Variants in ARL15 observed in about 807,000 individuals in gnomAD.
ARL15 encodes the protein ARF like GTPase 15.
Under a neutral mutation model 25.2 loss-of-function variants are expected in ARL15, and 19 were observed. That is an observed-to-expected ratio of 0.75 (90% CI 0.53 to 1.10). The LOEUF is 1.10. Among genes scored for constraint, ARL15 ranks in the 50% least tolerant of loss-of-function variants. The pLI, the probability that ARL15 is intolerant of heterozygous loss-of-function variation, is 0.00. For synonymous variants in ARL15, 94 were observed against 86.8 expected, an observed-to-expected ratio of 1.08 and a Z score of -0.46; for missense variants, 220 against 246.0, an observed-to-expected ratio of 0.89 and a Z score of 0.71.
At chr5:54,049,768 C>T (rs1211180255) in intron 4 of ARL15, among the ~76,000 whole-genome samples, 3 of 151,862 alleles carry the variant, frequency 2.0e-5, no homozygotes, top group South Asian at 2.1e-4. Flanking sequence ...GATGGGGTTT[C>T]GCCATGTTGC....
chr5:54,292,103 G>A (rs926625515), intron 1 of ARL15, among the ~76,000 whole-genome samples: 5 of 152,148 alleles, frequency 3.3e-5, no homozygotes, highest in African/African-American at 1.2e-4. Context: ...ACCTACTTTT[G>A]TCCCCAGGGA....
intron 4 of ARL15, among the ~76,000 whole-genome samples, chr5:53,931,730 C>A (rs1746200645): frequency 6.6e-6 from 1 of 152,200 alleles, no homozygotes; most frequent in Non-Finnish European, 1.5e-5. Context: ...CCAACTAAAA[C>A]CAAACACAAT....
chr5:54,052,158 A>AT (rs558245739), intron 4 of ARL15, among the ~76,000 whole-genome samples: 2 of 151,926 alleles, frequency 1.3e-5, no homozygotes, highest in African/African-American at 2.4e-5. Context: ...AACATAGGGG[A>AT]TTTTTTTTAT....
At chr5:54,088,876 G>A (rs1752053986) in intron 4 of ARL15, among the ~76,000 whole-genome samples, 1 of 152,172 alleles carries the variant, frequency 6.6e-6, no homozygotes, top group African/African-American at 2.4e-5. Flanking sequence ...AGCAAATTCA[G>A]GATGGGACCA....
intron 4 of ARL15, among the ~76,000 whole-genome samples, chr5:53,913,296 CTGTG>C (rs1745525239): frequency 1.1e-4 from 16 of 152,310 alleles, no homozygotes; most frequent in Admixed American, 7.8e-4. Context: ...GAGTGATATT[CTGTG>C]TCAACAAAAC....
intron 1 of ARL15, among the ~76,000 whole-genome samples, chr5:54,199,437 T>A (rs59605481): frequency 0.25 from 37,117 of 150,232 alleles, 5,068 homozygotes; most frequent in African/African-American, 0.35. Flanking sequence ...CAATGAACTC[T>A]AACAAATTTA....
chr5:54,027,826 C>T (rs539820462), intron 4 of ARL15, among the ~76,000 whole-genome samples: 10 of 152,150 alleles, frequency 6.6e-5, no homozygotes, highest in South Asian at 2.1e-4. Flanking sequence ...CTGTATTTTG[C>T]GCTGAACATT....
chr5:54,149,827 G>C (rs956077896), intron 3 of ARL15, among the ~76,000 whole-genome samples: 1 of 152,166 alleles, frequency 6.6e-6, no homozygotes, highest in Non-Finnish European at 1.5e-5. Context: ...GACAAGCACA[G>C]TAACTAATTA....
chr5:53,921,989 A>C (rs1379007233), intron 4 of ARL15, among the ~76,000 whole-genome samples: 1 of 152,224 alleles, frequency 6.6e-6, no homozygotes, highest in Non-Finnish European at 1.5e-5. Flanking sequence ...CTGAAAGTTA[A>C]TGTACACCTT....
intron 1 of ARL15, among the ~76,000 whole-genome samples, chr5:54,185,090 C>T (rs998144560): frequency 9.9e-5 from 15 of 152,070 alleles, no homozygotes; most frequent in African/African-American, 3.4e-4. Flanking sequence ...CAGGAAATAA[C>T]GTCTATAACA....
At chr5:53,968,883 C>T (rs554308023) in intron 4 of ARL15, among the ~76,000 whole-genome samples, 21 of 151,862 alleles carry the variant, frequency 1.4e-4, no homozygotes, top group Middle Eastern at 3.4e-3. Flanking sequence ...AGGCTGGGCA[C>T]GGTGACTCAC....
intron 4 of ARL15, among the ~76,000 whole-genome samples, chr5:54,082,327 T>G (rs1241290426): frequency 6.6e-6 from 1 of 152,200 alleles, no homozygotes; most frequent in Non-Finnish European, 1.5e-5. Context: ...GCATGAAAGT[T>G]CTAAAATATT....
intron 1 of ARL15, among the ~76,000 whole-genome samples, chr5:54,235,728 T>TA (rs945634370): frequency 3.3e-5 from 5 of 152,202 alleles, no homozygotes; most frequent in African/African-American, 1.2e-4. Context: ...TGTCTTGGCT[T>TA]CCCAAAGTGC....
chr5:54,279,597 G>A (rs1420207909), intron 1 of ARL15, among the ~76,000 whole-genome samples: 1 of 152,048 alleles, frequency 6.6e-6, no homozygotes, highest in Admixed American at 6.6e-5. Context: ...TCGGAGTCAG[G>A]GCTTCAACAC....
At position 54,025,286 on chromosome 5, in the gene ARL15, C is replaced by T. The variant is rs1397917714; in HGVS notation, c.462+87916G>A. The stretch of plus-strand genomic sequence containing the variant: ...ATATGATTGCAGAGAGACAAAGGGA[C>T]CAAAAAAAAAAAAAAAAAAAAGCAA... On this transcript the variant is annotated intron_variant, in intron 4 of 4. Coordinates refer to ENST00000504924, the MANE Select transcript of ARL15 (RefSeq NM_019087.3). 7.4e-5 allele frequency among the ~76,000 whole-genome samples: 10 copies of T among 134,468 alleles called. No individual in the cohort carries two copies. In the East Asian group the frequency reaches 2.1e-3, roughly 28 times the overall value. 88.2% of individuals were successfully genotyped at this position (134,468 alleles called of 152,430 possible).
chr5:54,080,624 G>A (rs156437), intron 4 of ARL15, among the ~76,000 whole-genome samples: 120,422 of 152,130 alleles, frequency 0.79, 47,914 homozygotes, highest in African/African-American at 0.8. Context: ...CTATTTGAGC[G>A]TTAATAAATT....
At chr5:54,058,700 G>A (rs1750966034) in intron 4 of ARL15, among the ~76,000 whole-genome samples, 1 of 152,120 alleles carries the variant, frequency 6.6e-6, no homozygotes, top group Admixed American at 6.5e-5. Flanking sequence ...GGGAGCAACA[G>A]GGAGAGAGCT....
At chr5:54,164,465 G>A (rs1053285453) in intron 2 of ARL15, among the ~76,000 whole-genome samples, 9 of 151,984 alleles carry the variant, frequency 5.9e-5, no homozygotes, top group African/African-American at 1.7e-4. Flanking sequence ...AGAAACTGAC[G>A]TCGCTGATTG....
chr5:53,977,504 C>A (rs1420552104), intron 4 of ARL15, among the ~76,000 whole-genome samples: 1 of 152,012 alleles, frequency 6.6e-6, no homozygotes, highest in Non-Finnish European at 1.5e-5. Context: ...CCTGTTTAAT[C>A]TGTAAGTGTT....
Sources: allele counts gnomAD v4.1 joint callset (sites outside exome capture counted in the v4.1 genomes callset), GRCh38; gene constraint gnomAD v4.1.1; transcripts MANE v1.5; gene names NCBI Gene and HGNC (gene_info 2026-07-23, HGNC 2026-07-21).